Variants in ZDHHC14 observed in about 807,000 individuals in gnomAD.
ZDHHC14 encodes the protein zDHHC palmitoyltransferase 14.
A neutral mutation model predicts 47.7 loss-of-function variants in ZDHHC14; 16 were observed. The observed-to-expected ratio is 0.34, with a 90% confidence interval of 0.23 to 0.51. ZDHHC14 has a LOEUF of 0.51. Ranked by LOEUF, ZDHHC14 falls within the 20% of genes least tolerant of loss-of-function variation. The pLI is 0.97. For missense variants in ZDHHC14, 515 were observed against 662.5 expected, an observed-to-expected ratio of 0.78 and a Z score of 2.44; for synonymous variants, 293 against 278.9, an observed-to-expected ratio of 1.05 and a Z score of -0.50.
chr6:157,601,637 A>G (rs1163306405), intron 3 of ZDHHC14, among the ~76,000 whole-genome samples: 1 of 152,220 alleles, frequency 6.6e-6, no homozygotes, highest in South Asian at 2.1e-4. Context: ...TGTAATTAGA[A>G]GAATATACAA....
chr6:157,453,616 A>T (rs2114805646), intron 1 of ZDHHC14, among the ~76,000 whole-genome samples: 1 of 152,270 alleles, frequency 6.6e-6, no homozygotes, highest in East Asian at 1.9e-4. Flanking sequence ...AACATCCTTG[A>T]CTTCAGTGTC....
intron 3 of ZDHHC14, among the ~76,000 whole-genome samples, chr6:157,595,889 G>A (rs113259967): frequency 0.066 from 10,113 of 152,268 alleles, 387 homozygotes; most frequent in African/African-American, 0.097. Flanking sequence ...CTATGTATGG[G>A]AGACCCAGAA....
intron 1 of ZDHHC14, among the ~76,000 whole-genome samples, chr6:157,446,729 T>A (rs1238505494): frequency 6.6e-6 from 1 of 152,092 alleles, no homozygotes; most frequent in African/African-American, 2.4e-5. Context: ...CTTTACAAAT[T>A]CCTTGACATA....
In ZDHHC14 at chr6:157,619,832, T is replaced by C. The variant is rs147996888; in HGVS notation, c.566-8517T>C. On this transcript the variant is annotated intron_variant, in intron 3 of 8. Transcript: ENST00000359775. Reference sequence around the variant, plus strand: ...ACTAATAAAACAGAGTCATTGTGCATTAGATTTTCCCGCTCAAAGGCATCT... The same window carrying C: ...ACTAATAAAACAGAGTCATTGTGCACTAGATTTTCCCGCTCAAAGGCATCT... 2.4e-4 allele frequency among the ~76,000 whole-genome samples: 37 copies of C among 152,356 alleles called. No individual in the cohort carries two copies. In the East Asian group the frequency reaches 6.7e-3, roughly 28 times the overall value.
At chr6:157,387,864 C>T (rs1166912945) in intron 1 of ZDHHC14, among the ~76,000 whole-genome samples, 1 of 152,116 alleles carries the variant, frequency 6.6e-6, no homozygotes, top group Non-Finnish European at 1.5e-5. Flanking sequence ...TGGAAAATAC[C>T]TTTCTTGTGC....
At chr6:157,465,615 A>G (rs1723981517) in intron 1 of ZDHHC14, among the ~76,000 whole-genome samples, 1 of 151,966 alleles carries the variant, frequency 6.6e-6, no homozygotes, top group African/African-American at 2.4e-5. Context: ...AAAAAAAAAA[A>G]GAAATCTTCA....
intron 1 of ZDHHC14, among the ~76,000 whole-genome samples, chr6:157,512,214 AGT>A (rs1011862547): frequency 1.3e-5 from 2 of 152,216 alleles, no homozygotes; most frequent in African/African-American, 2.4e-5. Context: ...ATGGCAAGTA[AGT>A]GTGGAGCCGG....
chr6:157,490,438 C>T (rs1414925413), intron 1 of ZDHHC14, among the ~76,000 whole-genome samples: 1 of 152,194 alleles, frequency 6.6e-6, no homozygotes, highest in Non-Finnish European at 1.5e-5. Context: ...AGATGTGATC[C>T]TTGGCCTTGA....
intron 7 of ZDHHC14, among the ~76,000 whole-genome samples, chr6:157,652,611 T>C (rs1777891432): frequency 6.6e-6 from 1 of 152,210 alleles, no homozygotes; most frequent in Non-Finnish European, 1.5e-5. Context: ...CAGAAACAGA[T>C]GCCTTTGGAA....
chr6:157,459,523 C>T (rs189154878), intron 1 of ZDHHC14, among the ~76,000 whole-genome samples: 18 of 152,206 alleles, frequency 1.2e-4, no homozygotes, highest in Middle Eastern at 3.4e-3. Flanking sequence ...CACGTGTGGG[C>T]GGCCCTCGCT....
At chr6:157,559,432 G>A (rs1033264286) in intron 2 of ZDHHC14, among the ~76,000 whole-genome samples, 1 of 152,174 alleles carries the variant, frequency 6.6e-6, no homozygotes, top group African/African-American at 2.4e-5. Context: ...GCCTCTTTCC[G>A]TGGGCATGAC....
At chr6:157,557,096 G>A (rs9505849) in intron 2 of ZDHHC14, among the ~76,000 whole-genome samples, 28,407 of 152,186 alleles carry the variant, frequency 0.19, 3,085 homozygotes, top group East Asian at 0.37. Flanking sequence ...CAGCCCTCCA[G>A]CTGCAGTCAC....
intron 1 of ZDHHC14, among the ~76,000 whole-genome samples, chr6:157,525,782 C>T (rs1241988891): frequency 2.0e-5 from 3 of 152,164 alleles, no homozygotes; most frequent in Admixed American, 6.5e-5. Flanking sequence ...TGCTCCCTCC[C>T]GTCCCACTGC....
At chr6:157,664,256 T>C (rs1778461077) in intron 8 of ZDHHC14, among the ~76,000 whole-genome samples, 1 of 152,232 alleles carries the variant, frequency 6.6e-6, no homozygotes, top group Non-Finnish European at 1.5e-5. Flanking sequence ...GCTAACTTCA[T>C]CCAGATAATT....
At chr6:157,649,814 A>G (rs965391956) in intron 7 of ZDHHC14, among the ~76,000 whole-genome samples, 11 of 152,144 alleles carry the variant, frequency 7.2e-5, no homozygotes, top group Non-Finnish European at 1.5e-4. Flanking sequence ...GCCTGGCGGG[A>G]GGAATGGAAA....
chr6:157,500,892 C>T (rs1780178358), intron 1 of ZDHHC14, among the ~76,000 whole-genome samples: 1 of 152,192 alleles, frequency 6.6e-6, no homozygotes, highest in African/African-American at 2.4e-5. Flanking sequence ...TCTCAGTAAC[C>T]TTTCAAAACC....
intron 1 of ZDHHC14, among the ~76,000 whole-genome samples, chr6:157,492,336 AC>A (rs1270944218): frequency 2.0e-5 from 3 of 151,380 alleles, no homozygotes; most frequent in Non-Finnish European, 4.4e-5. Context: ...GCCCTTCTTT[AC>A]TCCAAAGACC....
Position 157,672,782 on chromosome 6 carries a change from C to T in ZDHHC14, c.1127C>T (p.Pro376Leu). The T allele has an allele frequency of 6.2e-7, 1 of 1,612,906 alleles. No individual in the cohort carries two copies. Among genetic ancestry groups the T allele is most frequent in the Non-Finnish European group, 8.5e-7 (1 of 1,179,870 alleles). ...TKFVLQAAAT[P>L]LLQSEPSLTS... Reference sequence around the variant, plus strand: ...TTCGTTTTGCAGGCTGCAGCCACGCCCCTGCTGCAGAGCGAGCCCAGCCTC... The same window carrying T: ...TTCGTTTTGCAGGCTGCAGCCACGCTCCTGCTGCAGAGCGAGCCCAGCCTC... The change falls in exon 9 of 9, where the codon CCC (proline) becomes CTC (leucine). Residue 376 changes from proline (P) to leucine (L), a missense_variant. By Grantham distance (98) the Pro-to-Leu change is moderately conservative. Transcript: ENST00000359775.
chr6:157,573,011 C>T (rs1442037136), intron 2 of ZDHHC14, among the ~76,000 whole-genome samples: 1 of 152,112 alleles, frequency 6.6e-6, no homozygotes, highest in Non-Finnish European at 1.5e-5. Context: ...GTTCTCTCCT[C>T]AAGAGATCAT....
Sources: gnomAD v4.1 joint callset for allele counts (sites outside exome capture counted in the v4.1 genomes callset) on GRCh38, gnomAD v4.1.1 for gene constraint, MANE v1.5 for transcripts, NCBI Gene and HGNC (gene_info 2026-07-23, HGNC 2026-07-21) for gene names.